MGAT5: variants seen among roughly 807,000 people sequenced by gnomAD.
The protein encoded by MGAT5 is alpha-1,6-mannosylglycoprotein 6-beta-N-acetylglucosaminyltransferase.
MGAT5 carries 30 observed loss-of-function variants against 94.3 expected under a neutral mutation model. That is an observed-to-expected ratio of 0.32 (90% confidence interval 0.24 to 0.43). The LOEUF (loss-of-function observed/expected upper bound fraction) is 0.43, where lower values mean the gene tolerates loss of function less well. Among genes scored for constraint, MGAT5 ranks in the 20% least tolerant of loss-of-function variants. The pLI is 1.00. For missense variants in MGAT5, 691 were observed against 905.5 expected (o/e 0.76, Z 3.04); for synonymous variants, 310 against 322.9 (o/e 0.96, Z 0.43).
At chr2:134,236,159 ACT>A (rs1305006138) in intron 1 of MGAT5, among the ~76,000 whole-genome samples, 1 of 152,074 alleles carries the variant, frequency 6.6e-6, no homozygotes, top group East Asian at 1.9e-4. Context: ...TAGCCCTGTA[ACT>A]CTGCGCAGTG....
chr2:134,362,209 T>C (rs190576045), intron 9 of MGAT5, 66 bp from the exon 10 acceptor site: 144 of 1,566,336 alleles, frequency 9.2e-5, no homozygotes, highest in Non-Finnish European at 1.2e-4. Flanking sequence ...CTGTGTTAAA[T>C]ATGTGATTGT....
intron 8 of MGAT5, among the ~76,000 whole-genome samples, chr2:134,345,923 A>T (rs1688901750): frequency 6.6e-6 from 1 of 152,114 alleles, no homozygotes; most frequent in East Asian, 1.9e-4. Flanking sequence ...ACTGGGTTTT[A>T]TTTATGGTCT....
At chr2:134,212,257 C>T (rs1680248318) in intron 1 of MGAT5, among the ~76,000 whole-genome samples, 1 of 8,412 alleles carries the variant, frequency 1.2e-4, no homozygotes, top group Non-Finnish European at 1.7e-4. Flanking sequence ...TTTGCTCTTG[C>T]TTTTCTAGTT....
At chr2:134,170,415 G>A (rs895644469) in intron 1 of MGAT5, among the ~76,000 whole-genome samples, 1 of 152,212 alleles carries the variant, frequency 6.6e-6, no homozygotes, top group African/African-American at 2.4e-5. Context: ...TAGAGATGGT[G>A]GATTTGTAAT....
chr2:134,446,378 G>GTT (rs1685775295), intron 15 of MGAT5, among the ~76,000 whole-genome samples: 1 of 151,988 alleles, frequency 6.6e-6, no homozygotes. Flanking sequence ...CTATGCTCTG[G>GTT]TTAGCAGTGT....
intron 1 of MGAT5, among the ~76,000 whole-genome samples, chr2:134,151,138 C>T (rs1217031197): frequency 4.6e-5 from 7 of 151,984 alleles, no homozygotes; most frequent in African/African-American, 9.7e-5. Context: ...TCCCACTCAC[C>T]GCCATGGGAC....
At chr2:134,144,265 T>C (rs967367796) in intron 1 of MGAT5, among the ~76,000 whole-genome samples, 1 of 152,126 alleles carries the variant, frequency 6.6e-6, no homozygotes, top group African/African-American at 2.4e-5. Context: ...GGCCATCTGC[T>C]CGGCTTCTGG....
intron 12 of MGAT5, among the ~76,000 whole-genome samples, chr2:134,419,570 T>C (rs1425629152): frequency 1.3e-5 from 2 of 151,832 alleles, no homozygotes; most frequent in East Asian, 3.9e-4. Flanking sequence ...AAGATTTTCA[T>C]TACTTTTACA....
chr2:134,341,596 G>A lies in MGAT5; in HGVS notation c.814G>A (p.Val272Ile), dbSNP rs547381763. The A allele has an allele frequency of 4.1e-5, 66 of 1,612,326 alleles. No individual in the cohort carries two copies. The highest frequency in any genetic ancestry group is 3.7e-4 in the South Asian group (34 of 90,896). The change falls in exon 7 of 16, where the codon GTT (valine) becomes ATT (isoleucine). Residue 272 changes from valine (V) to isoleucine (I), a missense_variant. Physicochemically the swap from Val to Ile is conservative, Grantham distance 29 (BLOSUM62 3). Around this residue, in one of 4 missense-constraint regions of MGAT5, gnomAD observed 121 missense variants for 206.1 expected, o/e 0.59. Coordinates refer to ENST00000281923, the MANE Select transcript of MGAT5 (RefSeq NM_002410.5). ...ATGCCTCTTTGTTTTCCAGGTCCTC[G>A]TTCACCTGGGACTCCTGACCAAGGA... ...LEKRKRKKVL[V>I]HLGLLTKESG... is the part of the protein sequence containing the mutation.
At chr2:134,130,455 C>G (rs1009146962) in intron 1 of MGAT5, among the ~76,000 whole-genome samples, 1 of 152,260 alleles carries the variant, frequency 6.6e-6, no homozygotes, top group Non-Finnish European at 1.5e-5. Flanking sequence ...ATCCACTAGG[C>G]GAAGCTAGCT....
intron 13 of MGAT5, among the ~76,000 whole-genome samples, chr2:134,427,461 TA>T (rs532168950): frequency 1.9e-4 from 29 of 152,274 alleles, no homozygotes; most frequent in African/African-American, 7.0e-4. Flanking sequence ...TTGCCTCCTC[TA>T]CCCTAATGAA....
intron 1 of MGAT5, among the ~76,000 whole-genome samples, chr2:134,164,510 G>C (rs914978672): frequency 6.6e-6 from 1 of 152,104 alleles, no homozygotes; most frequent in African/African-American, 2.4e-5. Context: ...GGTTCTGCTT[G>C]TCTGTGGGGC....
intron 1 of MGAT5, among the ~76,000 whole-genome samples, chr2:134,231,931 G>A (rs1681386808): frequency 6.6e-6 from 1 of 152,168 alleles, no homozygotes; most frequent in Non-Finnish European, 1.5e-5. Context: ...AGATCGTTCT[G>A]TCTGCAATAT....
chr2:134,435,507 A>C (rs994367973), intron 14 of MGAT5, among the ~76,000 whole-genome samples: 6 of 152,132 alleles, frequency 3.9e-5, no homozygotes, highest in Non-Finnish European at 4.4e-5. Flanking sequence ...TGTACTATAT[A>C]TATTGACTTA....
At chr2:134,383,342 C>T (rs1469793132) in intron 10 of MGAT5, among the ~76,000 whole-genome samples, 1 of 152,194 alleles carries the variant, frequency 6.6e-6, no homozygotes, top group African/African-American at 2.4e-5. Flanking sequence ...AACATACTCA[C>T]CTGAGCATTT....
intron 12 of MGAT5, among the ~76,000 whole-genome samples, chr2:134,413,361 CCCCATGA>C (rs1683779109): frequency 6.6e-6 from 1 of 152,284 alleles, no homozygotes; most frequent in African/African-American, 2.4e-5. Flanking sequence ...AGAATCTGCT[CCCCATGA>C]TGGGCTTTGG....
At chr2:134,215,648 A>T (rs1413696576) in intron 1 of MGAT5, among the ~76,000 whole-genome samples, 2 of 152,226 alleles carry the variant, frequency 1.3e-5, no homozygotes, top group African/African-American at 4.8e-5. Context: ...TGACCCAAAC[A>T]CATTGCAACT....
At chr2:134,191,778 G>A (rs1428290495) in intron 1 of MGAT5, among the ~76,000 whole-genome samples, 1 of 143,500 alleles carries the variant, frequency 7.0e-6, no homozygotes, top group African/African-American at 2.6e-5. Context: ...CTGATGGTAG[G>A]GTGGTTTCGT....
In MGAT5 at chr2:134,265,898, G is replaced by A. The variant is rs554097333; in HGVS notation, c.242-4488G>A. Reference sequence around the variant, plus strand: ...ATTAAAACACAAATGGTCTGGGCGCGGTGGCTCATGCCTGTAATCCGAGCA... The same window carrying A: ...ATTAAAACACAAATGGTCTGGGCGCAGTGGCTCATGCCTGTAATCCGAGCA... On this transcript the variant is annotated intron_variant, in intron 1 of 15. Transcript: ENST00000281923. 2.8e-4 allele frequency among the ~76,000 whole-genome samples: 43 copies of A among 152,162 alleles called. No individual in the cohort carries two copies. The East Asian group carries it at 7.4e-3, about 26-fold the overall frequency.
Sources: gnomAD v4.1 joint callset for allele counts (sites outside exome capture counted in the v4.1 genomes callset) on GRCh38, gnomAD v4.1.1 for gene constraint, gnomAD v4.1.1 regional missense constraint, MANE v1.5 for transcripts, NCBI Gene and HGNC (gene_info 2026-07-23, HGNC 2026-07-21) for gene names.